The following PRKCQ variants were observed in gnomAD, a reference collection of about 807,000 sequenced individuals.
PRKCQ encodes protein kinase C theta type.
Under a neutral mutation model 91.2 loss-of-function variants are expected in PRKCQ, and 41 were observed. The observed-to-expected ratio is 0.45, with a 90% CI of 0.35 to 0.58. The LOEUF (loss-of-function observed/expected upper bound fraction) is 0.58. Ranked by LOEUF, PRKCQ falls within the 20% of genes least tolerant of loss-of-function variation. The pLI, the probability that PRKCQ is intolerant of heterozygous loss-of-function variation, is 0.00. For synonymous variants in PRKCQ, 307 were observed against 316.9 expected (o/e 0.97, Z 0.33); for missense variants, 673 against 896.5 (o/e 0.75, Z 3.18).
At position 6,441,884 on chromosome 10, in the gene PRKCQ, G is replaced by A. The variant is rs780315992; in HGVS notation, c.1836+9C>T. The stretch of plus-strand genomic sequence containing the variant: ...GTCTTATGAAGACGCTCTTGGCTTC[G>A]CTTCTTACCTTCACCAGAAGGTCCT... On this transcript the variant is annotated intron_variant, in intron 16 of 17. Transcript: ENST00000263125. The A allele has an allele frequency of 3.8e-6, 6 of 1,588,214 alleles. No individual in the cohort carries two copies. The highest frequency in any genetic ancestry group is 3.3e-5 in the South Asian group (3 of 89,780).
At chr10:6,515,467 A>G in intron 1 of PRKCQ, 1 of 985,402 alleles carries the variant, frequency 1.0e-6, no homozygotes, top group South Asian at 4.7e-5. Context: ...AAGTTTTCCA[A>G]TATTTTATGT....
intron 1 of PRKCQ, among the ~76,000 whole-genome samples, chr10:6,550,380 T>C (rs1840135673): frequency 6.6e-6 from 1 of 152,164 alleles, no homozygotes; most frequent in African/African-American, 2.4e-5. Context: ...TTCAAACTAT[T>C]CTCATGCCTC....
chr10:6,516,066 A>G (rs898718340), intron 1 of PRKCQ, among the ~76,000 whole-genome samples: 11 of 152,176 alleles, frequency 7.2e-5, no homozygotes, highest in African/African-American at 2.2e-4. Flanking sequence ...TATACTTATA[A>G]TTTTTTCTAA....
At chr10:6,453,936 G>A (rs1451599105) in intron 15 of PRKCQ, among the ~76,000 whole-genome samples, 2 of 151,928 alleles carry the variant, frequency 1.3e-5, no homozygotes, top group African/African-American at 4.8e-5. Flanking sequence ...TGGGGGGAGC[G>A]GGGAGGGATA....
intron 8 of PRKCQ, 130 bp downstream of exon 8, chr10:6,491,553 A>G (rs1837299963): frequency 1.6e-6 from 2 of 1,280,408 alleles, no homozygotes; most frequent in Admixed American, 5.2e-5. Context: ...GACCATACTT[A>G]TGATCATGAC....
At chr10:6,395,823 C>T in the PRKCQ span, among the ~76,000 whole-genome samples, 86 of 152,110 alleles carry the variant, frequency 5.7e-4, no homozygotes, top group African/African-American at 1.9e-3. Flanking sequence ...TCATTACCAA[C>T]ATTGCCGAGG....
rs368292243 is a variant in PRKCQ, at chr10:6,445,099, A to G, written c.1648-3018T>C. The stretch of plus-strand genomic sequence containing the variant: ...AGATCGCGCCTCTGCACTCCAGCCT[A>G]GGTGACAGAGCAAGACTCTGTCAAA... On this transcript the variant is annotated intron_variant, in intron 15 of 17. Transcript: ENST00000263125. 1.0e-3 allele frequency among the ~76,000 whole-genome samples: 124 copies of G among 122,458 alleles called. 2 individuals carry two copies. The highest frequency in any genetic ancestry group is 3.9e-3 in the African/African-American group (120 of 30,742). The allele number at this position is 122,458 out of a possible 152,430, so 80.3% of individuals were successfully genotyped here. A position where few individuals can be genotyped will look rare whatever the true frequency, so the allele number is the denominator to read the frequency against.
chr10:6,429,450 GAAC>G lies in PRKCQ; in HGVS notation c.1966-1091_1966-1089del, dbSNP rs1199390995. ...CACTGGAGCTTGGGACAGATGTTGA[GAAC>G]AACTATTCTTGCCCTGGGAATGAGA... On this transcript the variant is annotated intron_variant, in intron 17 of 17. Coordinates refer to ENST00000263125, the MANE Select transcript of PRKCQ (RefSeq NM_006257.5). Among the ~76,000 whole-genome samples the G allele has an allele frequency of 3.9e-5, 6 of 152,184 alleles. No individual in the cohort carries two copies. In the East Asian group the frequency reaches 1.2e-3, roughly 29 times the overall value.
In PRKCQ at chr10:6,427,966, A is replaced by G. The variant is rs1673878972; in HGVS notation, c.*241T>C. The G allele has an allele frequency of 9.6e-6, 5 of 518,820 alleles. No homozygotes were observed. The highest frequency in any genetic ancestry group is 3.4e-5 in the Admixed American group (1 of 28,988). The allele number at this position is 518,820 out of a possible 1,614,324, so 32.1% of individuals were successfully genotyped here. The stretch of plus-strand genomic sequence containing the variant: ...TTTCAAGTAAATAACTATGGTTAGT[A>G]ATGACCTAACTTCAGGAGCGTCTGT... On this transcript the variant is annotated 3_prime_UTR_variant, in exon 18 of 18. Transcript: ENST00000263125.
intron 7 of PRKCQ, among the ~76,000 whole-genome samples, 192 bp from the exon 8 acceptor site, chr10:6,492,004 C>T (rs777633293): frequency 1.2e-4 from 18 of 152,190 alleles, no homozygotes; most frequent in Admixed American, 5.2e-4. Flanking sequence ...AGCAACTGTA[C>T]GTGACGGGGC....
chr10:6,579,952 C>T (rs1365295544), intron 1 of PRKCQ, among the ~76,000 whole-genome samples: 1 of 152,084 alleles, frequency 6.6e-6, no homozygotes, highest in Non-Finnish European at 1.5e-5. Context: ...GAAGCGCCCC[C>T]AGGCCGGCGG....
chr10:6,464,389 C>CA lies in PRKCQ; in HGVS notation c.1368dup (p.Val457CysfsTer31). ...TCCCCTCCGTTGAGGTACTCCATCA[C>CA]AAAAAAGAGGTTTTCCTGTGGAAAA... On this transcript the variant is annotated frameshift_variant, in exon 13 of 18. Coordinates refer to ENST00000263125, the MANE Select transcript of PRKCQ (RefSeq NM_006257.5). LOFTEE classifies it high-confidence loss of function. 6.2e-7 allele frequency: 1 copy of CA among 1,601,476 alleles called. No homozygotes were observed. Among genetic ancestry groups the CA allele is most frequent in the Non-Finnish European group, 8.5e-7 (1 of 1,176,940 alleles).
intron 1 of PRKCQ, among the ~76,000 whole-genome samples, chr10:6,548,325 C>T (rs1186676866): frequency 1.9e-4 from 29 of 152,022 alleles, no homozygotes; most frequent in South Asian, 1.5e-3. Context: ...GTCAGTGTGG[C>T]GATTTCTCAG....
intron 11 of PRKCQ, among the ~76,000 whole-genome samples, chr10:6,481,151 T>C (rs1333925322): frequency 6.6e-6 from 1 of 152,190 alleles, no homozygotes; most frequent in Non-Finnish European, 1.5e-5. Flanking sequence ...TAGACAGCTT[T>C]GGACATGGAG....
At chr10:6,501,658 C>A (rs914862318) in intron 4 of PRKCQ, among the ~76,000 whole-genome samples, 3 of 151,610 alleles carry the variant, frequency 2.0e-5, no homozygotes, top group Non-Finnish European at 4.4e-5. Flanking sequence ...CCCGTCTCTA[C>A]TAAAAAAAAT....
chr10:6,528,410 G>T (rs147995649), intron 1 of PRKCQ, among the ~76,000 whole-genome samples: 3 of 152,096 alleles, frequency 2.0e-5, no homozygotes, highest in Non-Finnish European at 4.4e-5. Flanking sequence ...GGGTGGGGGC[G>T]CATCCTCCTC....
chr10:6,576,166 A>C lies in PRKCQ; in HGVS notation c.-10+4045T>G, dbSNP rs535790737. Among the ~76,000 whole-genome samples, 1 of 152,336 alleles carries C rather than the reference A, an allele frequency of 6.6e-6. No individual in the cohort carries two copies. The highest frequency in any genetic ancestry group is 2.1e-4 in the South Asian group (1 of 4,828). On this transcript the variant is annotated intron_variant, in intron 1 of 17. Transcript: ENST00000263125. The surrounding 1 kb of genome is among the most constrained non-coding windows in gnomAD (Gnocchi z 4.2). ...AATATGGCAGTTCCTCAAAAAATTA[A>C]ACATAGAATTACCCTACGACCCCAC...
chr10:6,560,328 C>T (rs760299136), intron 1 of PRKCQ, among the ~76,000 whole-genome samples: 2 of 152,142 alleles, frequency 1.3e-5, no homozygotes, highest in East Asian at 1.9e-4. Flanking sequence ...AGGTGAGGAG[C>T]GGCGTGCTAC....
intron 1 of PRKCQ, among the ~76,000 whole-genome samples, chr10:6,526,638 C>A (rs1839208166): frequency 6.6e-6 from 1 of 152,070 alleles, no homozygotes; most frequent in African/African-American, 2.4e-5. Flanking sequence ...AGCTGCCAAG[C>A]ACGTTCTGGG....
Sources: gnomAD v4.1 joint callset for allele counts (sites outside exome capture counted in the v4.1 genomes callset) on GRCh38, gnomAD v4.1.1 for gene constraint, Gnocchi (gnomAD v3.1) non-coding constraint, MANE v1.5 for transcripts, NCBI Gene and HGNC (gene_info 2026-07-23, HGNC 2026-07-21) for gene names.